CTNND2: variants seen among roughly 807,000 people sequenced by gnomAD.
CTNND2 encodes catenin delta-2.
CTNND2 carries 22 observed loss-of-function variants against 144.4 expected under a neutral mutation model. That is an observed-to-expected ratio of 0.15 (90% CI 0.11 to 0.22). The LOEUF is 0.22. CTNND2 is among the 10% of genes least tolerant of loss of function. CTNND2 has a pLI of 1.00. For missense variants in CTNND2, 1,353 were observed against 1,618.8 expected, an observed-to-expected ratio of 0.84 and a Z score of 2.82; for synonymous variants, 751 against 695.6, an observed-to-expected ratio of 1.08 and a Z score of -1.25.
intron 1 of CTNND2, among the ~76,000 whole-genome samples, chr5:11,814,010 AG>A (rs1235964146): frequency 6.6e-5 from 10 of 152,226 alleles, no homozygotes; most frequent in African/African-American, 2.4e-4. Flanking sequence ...TAATAGAATG[AG>A]GCTATTATTT....
chr5:11,338,337 C>A (rs1753920829), intron 9 of CTNND2, among the ~76,000 whole-genome samples: 1 of 152,172 alleles, frequency 6.6e-6, no homozygotes, highest in Admixed American at 6.5e-5. Flanking sequence ...TCTCTGCAGT[C>A]CTCGAGGCCC....
chr5:11,771,405 A>C (rs915653536), intron 1 of CTNND2, among the ~76,000 whole-genome samples: 3 of 151,426 alleles, frequency 2.0e-5, no homozygotes, highest in Non-Finnish European at 4.4e-5. Flanking sequence ...ACATTTTTCA[A>C]TGTTTAAATT....
chr5:11,449,030 G>A (rs1341005820), intron 3 of CTNND2, among the ~76,000 whole-genome samples: 1 of 151,372 alleles, frequency 6.6e-6, no homozygotes. Context: ...TTTAATCCTG[G>A]AGCTTGGGCT....
chr5:11,754,147 T>C (rs138535252), intron 1 of CTNND2, among the ~76,000 whole-genome samples: 16 of 151,698 alleles, frequency 1.1e-4, no homozygotes, highest in African/African-American at 3.1e-4. Context: ...TGATCCTTTG[T>C]GTAACATTTT....
At chr5:10,999,193 C>A (rs1739664372) in intron 18 of CTNND2, among the ~76,000 whole-genome samples, 1 of 152,182 alleles carries the variant, frequency 6.6e-6, no homozygotes, top group African/African-American at 2.4e-5. Flanking sequence ...ATTCCACTAG[C>A]CATGTATATT....
intron 10 of CTNND2, among the ~76,000 whole-genome samples, chr5:11,221,254 G>A (rs1166416984): frequency 1.3e-5 from 2 of 152,174 alleles, no homozygotes; most frequent in African/African-American, 2.4e-5. Context: ...ACATGGTCAA[G>A]CCAGAAATTT....
intron 9 of CTNND2, among the ~76,000 whole-genome samples, chr5:11,313,000 T>C (rs189259836): frequency 1.3e-5 from 2 of 152,264 alleles, no homozygotes; most frequent in East Asian, 1.9e-4. Context: ...CCTGAGCACA[T>C]CCATTGGAGC....
chr5:11,192,754 A>G (rs1024755632), intron 11 of CTNND2, among the ~76,000 whole-genome samples: 1 of 152,194 alleles, frequency 6.6e-6, no homozygotes, highest in Non-Finnish European at 1.5e-5. Context: ...GCTGGATTGT[A>G]GCCAGGTGAG....
At position 11,781,187 on chromosome 5, in the gene CTNND2, T is replaced by TGA. The variant is rs368297537; in HGVS notation, c.38-48917_38-48916dup. On this transcript the variant is annotated intron_variant, in intron 1 of 21. Coordinates refer to ENST00000304623, the MANE Select transcript of CTNND2 (RefSeq NM_001332.4). ...ATTATCTCACCCCGCAGCAAGCAAATGAGAGAGAGAACACTAATCCAACTG... is the reference window on the plus strand; with the variant it reads ...ATTATCTCACCCCGCAGCAAGCAAATGAGAGAGAGAGAACACTAATCCAACTG... Among the ~76,000 whole-genome samples, 130 of 151,918 alleles carry TGA rather than the reference T, an allele frequency of 8.6e-4. No individual in the cohort carries two copies. The East Asian group carries it at 0.015, about 18-fold the overall frequency.
At chr5:11,630,857 G>C (rs189229538) in intron 2 of CTNND2, among the ~76,000 whole-genome samples, 29 of 152,094 alleles carry the variant, frequency 1.9e-4, no homozygotes, top group African/African-American at 6.3e-4. Flanking sequence ...AGGAGGCTGA[G>C]GCAGGAGAAT....
chr5:11,738,117 T>C (rs1220451508), intron 1 of CTNND2, among the ~76,000 whole-genome samples: 3 of 152,200 alleles, frequency 2.0e-5, no homozygotes, highest in African/African-American at 4.8e-5. Context: ...GGTAACACCT[T>C]CATCTAAAAC....
rs147335745 is a variant in CTNND2 at position 11,328,635 on chromosome 5, A to G, written c.1628+17737T>C. 4.4e-3 allele frequency among the ~76,000 whole-genome samples: 673 copies of G among 152,252 alleles called. 3 individuals carry two copies. The highest frequency in any genetic ancestry group is 0.016 in the African/African-American group (650 of 41,548). On this transcript the variant is annotated intron_variant, in intron 9 of 21. Transcript: ENST00000304623. ...ATTCATCTTCAGAAAAGATACATCT[A>G]TATGAGCAGAATGAATGGCCACTTA...
At position 11,818,530 on chromosome 5, in the gene CTNND2, G is replaced by A. The variant is rs117178045; in HGVS notation, c.37+85287C>T. On this transcript the variant is annotated intron_variant, in intron 1 of 21. Transcript: ENST00000304623. ...ACTACAGCTGCCACCACCATGCCCA[G>A]CTAATTTATGTATACTTAGTAGAGA... 3.3e-3 allele frequency among the ~76,000 whole-genome samples: 508 copies of A among 152,070 alleles called. 13 individuals carry two copies. The highest frequency in any genetic ancestry group is 0.026 in the East Asian group (136 of 5,136).
chr5:10,993,990 GA>G (rs1739000675), intron 18 of CTNND2, among the ~76,000 whole-genome samples: 1 of 151,554 alleles, frequency 6.6e-6, no homozygotes, highest in African/African-American at 2.4e-5. Context: ...CAGGGGCTGG[GA>G]CAGTGCCTGC....
At chr5:11,895,374 A>G (rs911056852) in intron 1 of CTNND2, among the ~76,000 whole-genome samples, 3 of 152,222 alleles carry the variant, frequency 2.0e-5, no homozygotes, top group Non-Finnish European at 4.4e-5. Flanking sequence ...ATGTATTTTA[A>G]GTCCATGGTC....
At chr5:11,341,666 T>C (rs1754288260) in intron 9 of CTNND2, among the ~76,000 whole-genome samples, 1 of 152,176 alleles carries the variant, frequency 6.6e-6, no homozygotes, top group Non-Finnish European at 1.5e-5. Flanking sequence ...CATAATACTG[T>C]TTAAACTTTA....
chr5:11,582,632 T>C (rs1778522787), intron 2 of CTNND2, among the ~76,000 whole-genome samples: 1 of 152,134 alleles, frequency 6.6e-6, no homozygotes, highest in African/African-American at 2.4e-5. Context: ...TTTTCTAAAA[T>C]AACACCAACA....
chr5:11,395,283 A>G (rs2149813715), intron 6 of CTNND2, among the ~76,000 whole-genome samples: 1 of 152,348 alleles, frequency 6.6e-6, no homozygotes, highest in South Asian at 2.1e-4. Context: ...ATACTTCAGC[A>G]CACAGCTAAA....
intron 3 of CTNND2, among the ~76,000 whole-genome samples, chr5:11,432,242 G>T (rs1241706329): frequency 6.7e-6 from 1 of 148,222 alleles, no homozygotes; most frequent in African/African-American, 2.5e-5. Context: ...AGAAAGTGTT[G>T]CAAGTTAGCA....
Sources: gnomAD v4.1 joint callset for allele counts (sites outside exome capture counted in the v4.1 genomes callset) on GRCh38, gnomAD v4.1.1 for gene constraint, MANE v1.5 for transcripts, NCBI Gene and HGNC (gene_info 2026-07-23, HGNC 2026-07-21) for gene names.